Variants in MYO16 observed in about 807,000 individuals in gnomAD.
MYO16 encodes the protein unconventional myosin-XVI.
A neutral mutation model predicts 205.3 loss-of-function variants in MYO16; 94 were observed. That is an observed-to-expected ratio of 0.46 (90% CI 0.39 to 0.54). MYO16 has a LOEUF of 0.54. Ranked by LOEUF, MYO16 falls within the 20% of genes least tolerant of loss-of-function variation. MYO16 has a pLI of 0.00. For missense variants in MYO16, 2,315 were observed against 2,387.5 expected, an observed-to-expected ratio of 0.97 and a Z score of 0.63; for synonymous variants, 988 against 954.0, an observed-to-expected ratio of 1.04 and a Z score of -0.66.
intron 20 of MYO16, among the ~76,000 whole-genome samples, chr13:108,971,963 G>A (rs2139391125): frequency 6.6e-6 from 1 of 151,628 alleles, no homozygotes; most frequent in Non-Finnish European, 1.5e-5. Flanking sequence ...CATTTTGGAA[G>A]GCTGAGGTGG....
intron 34 of MYO16, among the ~76,000 whole-genome samples, chr13:109,180,021 C>A (rs1000826634): frequency 2.6e-5 from 4 of 152,114 alleles, no homozygotes; most frequent in African/African-American, 7.2e-5. Flanking sequence ...GAATAAAATG[C>A]TTGAACCACC....
At chr13:108,768,345 C>T (rs763853235) in intron 4 of MYO16, among the ~76,000 whole-genome samples, 39 of 152,152 alleles carry the variant, frequency 2.6e-4, no homozygotes, top group Non-Finnish European at 4.1e-4. Context: ...CTGTTATGAG[C>T]TGTTTCCATG....
chr13:108,722,787 C>T (rs933548431), intron 3 of MYO16, among the ~76,000 whole-genome samples: 1 of 152,156 alleles, frequency 6.6e-6, no homozygotes, highest in Non-Finnish European at 1.5e-5. Flanking sequence ...CTGTGCCACT[C>T]ACCTTCTGTG....
intron 14 of MYO16, among the ~76,000 whole-genome samples, chr13:108,895,152 G>A (rs1880352559): frequency 1.3e-5 from 2 of 151,418 alleles, no homozygotes; most frequent in Admixed American, 1.3e-4. Flanking sequence ...TACCATAATA[G>A]TCCATGACTT....
intron 1 of MYO16, among the ~76,000 whole-genome samples, chr13:108,643,474 G>C (rs140813738): frequency 2.0e-3 from 299 of 152,296 alleles, no homozygotes; most frequent in Middle Eastern, 6.8e-3. Context: ...TCCTGTACTG[G>C]TTCTTGTGTG....
chr13:108,761,943 G>T (rs550840671), intron 4 of MYO16, among the ~76,000 whole-genome samples: 2 of 152,264 alleles, frequency 1.3e-5, no homozygotes, highest in South Asian at 4.2e-4. Flanking sequence ...GGCTTTTAGG[G>T]TATCCATCAC....
chr13:108,778,512 G>C (rs1886195655), intron 4 of MYO16, among the ~76,000 whole-genome samples: 1 of 152,188 alleles, frequency 6.6e-6, no homozygotes, highest in Non-Finnish European at 1.5e-5. Context: ...CCAGCTACCT[G>C]GGAGGCTGAG....
the MYO16 span, among the ~76,000 whole-genome samples, chr13:108,503,438 C>G: frequency 7.1e-6 from 1 of 140,910 alleles, no homozygotes; most frequent in Non-Finnish European, 1.5e-5. Context: ...AGAAGAAGCT[C>G]AAAAAAGTTT....
intron 23 of MYO16, among the ~76,000 whole-genome samples, chr13:109,030,111 C>T (rs1482317006): frequency 2.0e-5 from 3 of 149,270 alleles, no homozygotes; most frequent in Non-Finnish European, 3.0e-5. Flanking sequence ...CTATAGGTTC[C>T]TAATAACCTT....
rs187440607 is a variant in MYO16 at position 108,759,691 on chromosome 13, G to T, written c.508-25944G>T. Among the ~76,000 whole-genome samples, 333 of 150,864 alleles carry T rather than the reference G, an allele frequency of 2.2e-3. 5 individuals carry two copies. The East Asian group carries it at 0.034, about 15-fold the overall frequency. On this transcript the variant is annotated intron_variant, in intron 4 of 34. Coordinates refer to ENST00000457511, the MANE Select transcript of MYO16 (RefSeq NM_001198950.3). Reference sequence around the variant, plus strand: ...AAAAAATTAGCCAGGCGTGGGGGCAGGCGCCTATAGTCCCAGCTACTCCGG... The same window carrying T: ...AAAAAATTAGCCAGGCGTGGGGGCATGCGCCTATAGTCCCAGCTACTCCGG...
intron 1 of MYO16, among the ~76,000 whole-genome samples, chr13:108,610,939 A>G (rs1335685406): frequency 6.6e-6 from 1 of 152,224 alleles, no homozygotes; most frequent in Non-Finnish European, 1.5e-5. Flanking sequence ...TTCAGTAAAA[A>G]ATTAAGTTGA....
At chr13:109,145,551 A>G (rs1320468230) in intron 32 of MYO16, among the ~76,000 whole-genome samples, 1 of 152,222 alleles carries the variant, frequency 6.6e-6, no homozygotes. Context: ...CTTAAAATTA[A>G]TATTGACTAA....
intron 2 of MYO16, among the ~76,000 whole-genome samples, chr13:108,687,022 A>G (rs1007000539): frequency 6.6e-6 from 1 of 152,174 alleles, no homozygotes; most frequent in African/African-American, 2.4e-5. Flanking sequence ...ATCAAGTTCA[A>G]ATGGTTCTGC....
the MYO16 span, among the ~76,000 whole-genome samples, chr13:108,585,038 A>G: frequency 6.6e-6 from 1 of 152,184 alleles, no homozygotes. Flanking sequence ...GTAATAGTGA[A>G]TCATTGGGAA....
At position 108,712,684 on chromosome 13, in the gene MYO16, G is replaced by A. The variant is rs1433634509; in HGVS notation, c.316G>A (p.Ala106Thr). Residue 106 changes from alanine to threonine, a missense_variant, in exon 3 of 35, where the codon GCA becomes ACA. Ala to Thr is a moderately conservative substitution (Grantham distance 58, BLOSUM62 0). Coordinates refer to ENST00000457511, the MANE Select transcript of MYO16 (RefSeq NM_001198950.3). ...KEVLRLLKEG[A>T]DPHTLVSSGG... is the part of the protein sequence containing the mutation. ...AGTGCTTCGGCTCCTGAAGGAGGGG[G>A]CAGACCCCCACACCCTCGTCTCCTC... 6.2e-7 allele frequency: 1 copy of A among 1,614,136 alleles called. No individual in the cohort carries two copies. The highest frequency in any genetic ancestry group is 8.5e-7 in the Non-Finnish European group (1 of 1,179,988).
intron 31 of MYO16, among the ~76,000 whole-genome samples, chr13:109,135,740 A>G (rs1412549262): frequency 6.6e-6 from 1 of 152,224 alleles, no homozygotes; most frequent in Non-Finnish European, 1.5e-5. Flanking sequence ...ATTCATTTAA[A>G]AGCTTTGTGA....
upstream of MYO16, among the ~76,000 whole-genome samples, chr13:108,592,543 G>A (rs536095603): frequency 3.1e-4 from 42 of 137,610 alleles, no homozygotes; most frequent in African/African-American, 1.1e-3. Flanking sequence ...TGGGGGAAAT[G>A]TGGGGGTGTG....
At chr13:109,103,329 A>T (rs1453228660) in intron 28 of MYO16, among the ~76,000 whole-genome samples, 2 of 152,128 alleles carry the variant, frequency 1.3e-5, no homozygotes, top group South Asian at 2.1e-4. Context: ...CAGGGACAAC[A>T]AGGTTGTATC....
At chr13:108,740,373 G>A (rs919993429) in intron 4 of MYO16, among the ~76,000 whole-genome samples, 4 of 152,192 alleles carry the variant, frequency 2.6e-5, no homozygotes, top group Non-Finnish European at 5.9e-5. Flanking sequence ...CTCAGTTGCA[G>A]GTCTGTTGGA....
Sources: allele counts gnomAD v4.1 joint callset (sites outside exome capture counted in the v4.1 genomes callset), GRCh38; gene constraint gnomAD v4.1.1; transcripts MANE v1.5; gene names NCBI Gene and HGNC (gene_info 2026-07-23, HGNC 2026-07-21).